The following SDK1 variants were observed in gnomAD, a reference collection of about 807,000 sequenced individuals.
SDK1 encodes the protein protein sidekick-1.
A neutral mutation model predicts 245.5 loss-of-function variants in SDK1; 157 were observed. The observed-to-expected ratio is 0.64, with a 90% confidence interval of 0.56 to 0.73. SDK1 has a LOEUF of 0.73. SDK1 is among the 30% of genes least tolerant of loss of function. The pLI, the probability that SDK1 is intolerant of heterozygous loss-of-function variation, is 0.00. For missense variants in SDK1, 3,583 were observed against 3,002.3 expected (o/e 1.19, Z -4.52); for synonymous variants, 1,647 against 1,278.5 (o/e 1.29, Z -6.15).
At chr7:3,372,627 C>G (rs1313039070) in intron 1 of SDK1, among the ~76,000 whole-genome samples, 1 of 152,124 alleles carries the variant, frequency 6.6e-6, no homozygotes, top group African/African-American at 2.4e-5. Context: ...CTGTAACTTG[C>G]TGTACCTCTG....
At chr7:3,402,945 C>A in intron 1 of SDK1, among the ~76,000 whole-genome samples, 1 of 123,484 alleles carries the variant, frequency 8.1e-6, no homozygotes, top group Non-Finnish European at 1.8e-5. Flanking sequence ...TCCTCTGTTT[C>A]TTTCTTTCTT....
At chr7:3,901,839 T>C (rs185489596) in intron 5 of SDK1, among the ~76,000 whole-genome samples, 2 of 152,244 alleles carry the variant, frequency 1.3e-5, no homozygotes, top group African/African-American at 4.8e-5. Context: ...CATTCCTTTT[T>C]TTAGGAAGGG....
intron 1 of SDK1, among the ~76,000 whole-genome samples, chr7:3,318,670 C>A (rs1159586833): frequency 3.3e-5 from 5 of 152,138 alleles, no homozygotes; most frequent in Non-Finnish European, 7.4e-5. Context: ...TTATCCCCAA[C>A]AAATGTTACA....
intron 1 of SDK1, among the ~76,000 whole-genome samples, chr7:3,500,948 G>A (rs538100992): frequency 6.6e-6 from 1 of 151,948 alleles, no homozygotes; most frequent in African/African-American, 2.4e-5. Flanking sequence ...TTATTTAATA[G>A]ATGAAGCATT....
chr7:3,574,166 G>C (rs1481337821), intron 1 of SDK1, among the ~76,000 whole-genome samples: 2 of 150,516 alleles, frequency 1.3e-5, no homozygotes, highest in African/African-American at 2.4e-5. Flanking sequence ...ACCTGGGCTA[G>C]AGTGCAGTGG....
intron 1 of SDK1, among the ~76,000 whole-genome samples, chr7:3,546,314 A>G (rs1289600668): frequency 2.0e-5 from 3 of 152,100 alleles, no homozygotes; most frequent in Non-Finnish European, 4.4e-5. Context: ...CTCCCTAATA[A>G]CCATATGACA....
chr7:3,554,744 T>G (rs532096949), intron 1 of SDK1, among the ~76,000 whole-genome samples: 5 of 152,290 alleles, frequency 3.3e-5, no homozygotes, highest in Middle Eastern at 3.4e-3. Context: ...TTATAGTTGC[T>G]GAATACAAAA....
At chr7:3,635,766 G>A (rs939743456) in intron 2 of SDK1, among the ~76,000 whole-genome samples, 3 of 152,014 alleles carry the variant, frequency 2.0e-5, no homozygotes, top group South Asian at 2.1e-4. Flanking sequence ...GAGTGCAGTG[G>A]CACGATTTTG....
chr7:3,674,990 G>A (rs1202757448), intron 4 of SDK1, among the ~76,000 whole-genome samples: 1 of 152,156 alleles, frequency 6.6e-6, no homozygotes, highest in African/African-American at 2.4e-5. Context: ...TCTTCTTGGT[G>A]TGTGGGCCAT....
At chr7:3,806,776 A>G (rs555756901) in intron 4 of SDK1, among the ~76,000 whole-genome samples, 39 of 145,820 alleles carry the variant, frequency 2.7e-4, no homozygotes, top group Middle Eastern at 3.5e-3. Context: ...GAACTGCACA[A>G]TCATTAACTG....
chr7:3,487,374 A>G (rs1334190965), intron 1 of SDK1, among the ~76,000 whole-genome samples: 2 of 152,266 alleles, frequency 1.3e-5, no homozygotes, highest in Non-Finnish European at 1.5e-5. Flanking sequence ...CGTACTTAAC[A>G]TTAATGCTTG....
intron 1 of SDK1, among the ~76,000 whole-genome samples, chr7:3,349,655 A>G (rs534279258): frequency 6.6e-6 from 1 of 152,120 alleles, no homozygotes; most frequent in African/African-American, 2.4e-5. Context: ...GCTGCAGTGC[A>G]GTGGTAAGAT....
chr7:3,730,488 A>G (rs557611103), intron 4 of SDK1, among the ~76,000 whole-genome samples: 10 of 152,312 alleles, frequency 6.6e-5, no homozygotes, highest in Non-Finnish European at 7.4e-5. Context: ...CACAGAAGGT[A>G]ATAGAGATGT....
chr7:4,266,388 G>A lies in SDK1; in HGVS notation c.*1004G>A, dbSNP rs1788469931. 1.2e-5 allele frequency: 12 copies of A among 985,282 alleles called. No individual in the cohort carries two copies. Among genetic ancestry groups the A allele is most frequent in the Non-Finnish European group, 1.3e-5 (11 of 829,930 alleles). 61.0% of individuals were successfully genotyped at this position (985,282 alleles called of 1,614,324 possible). ...AAAAGCAACAGTGTCTGCAAATAAA[G>A]CAAAACAGCTCTGAGAACACACGCT... On this transcript the variant is annotated 3_prime_UTR_variant, in exon 45 of 45. Transcript: ENST00000404826.
At chr7:3,854,399 A>C (rs555927370) in intron 5 of SDK1, among the ~76,000 whole-genome samples, 3 of 152,216 alleles carry the variant, frequency 2.0e-5, no homozygotes, top group African/African-American at 7.2e-5. Flanking sequence ...TAACTCCTGC[A>C]ACACAGTAGA....
At chr7:4,071,407 T>A (rs1419171987) in intron 20 of SDK1, among the ~76,000 whole-genome samples, 1 of 152,182 alleles carries the variant, frequency 6.6e-6, no homozygotes, top group East Asian at 1.9e-4. Flanking sequence ...CCACTTTAAA[T>A]AGTGTGAAAA....
chr7:3,775,922 C>G (rs149733902), intron 4 of SDK1, among the ~76,000 whole-genome samples: 3 of 152,242 alleles, frequency 2.0e-5, no homozygotes, highest in Non-Finnish European at 4.4e-5. Context: ...TCTTGACTGT[C>G]TTTCCCACAG....
chr7:3,614,699 GC>G (rs1474147508), intron 1 of SDK1, among the ~76,000 whole-genome samples: 1 of 152,118 alleles, frequency 6.6e-6, no homozygotes, highest in African/African-American at 2.4e-5. Flanking sequence ...ATAGTGCTGG[GC>G]TCAGAGAAGT....
Position 3,466,979 on chromosome 7 carries a change from T to TACACACACACACAC in SDK1, c.299-152063_299-152050dup, listed in dbSNP as rs11269597. On this transcript the variant is annotated intron_variant, in intron 1 of 44. Transcript: ENST00000404826. The stretch of plus-strand genomic sequence containing the variant: ...TCGAAATCTCTCTCCTCTCTCTCTC[T>TACACACACACACAC]ACACACACACACACACACACACACA... 9.2e-3 allele frequency among the ~76,000 whole-genome samples: 1,168 copies of TACACACACACACAC among 127,540 alleles called. 13 individuals are homozygous for TACACACACACACAC. Among genetic ancestry groups the TACACACACACACAC allele is most frequent in the Non-Finnish European group, 0.011 (676 of 60,982 alleles). 83.7% of individuals were successfully genotyped at this position (127,540 alleles called of 152,430 possible). A position where few individuals can be genotyped will look rare whatever the true frequency, so the allele number is the denominator to read the frequency against.
Sources: allele counts gnomAD v4.1 joint callset (sites outside exome capture counted in the v4.1 genomes callset), GRCh38; gene constraint gnomAD v4.1.1; transcripts MANE v1.5; gene names NCBI Gene and HGNC (gene_info 2026-07-23, HGNC 2026-07-21).